NRG3: variants seen among roughly 807,000 people sequenced by gnomAD.
The protein encoded by NRG3 is neuregulin 3, also known as pro-neuregulin-3, membrane-bound isoform.
Under a neutral mutation model 66.9 loss-of-function variants are expected in NRG3, and 31 were observed. That is an observed-to-expected ratio of 0.46 (90% confidence interval 0.35 to 0.63). The LOEUF (loss-of-function observed/expected upper bound fraction) is 0.63. NRG3 is among the 20% of genes least tolerant of loss of function. NRG3 has a pLI of 0.00. For synonymous variants in NRG3, 393 were observed against 359.4 expected (o/e 1.09, Z -1.06); for missense variants, 910 against 878.9 (o/e 1.04, Z -0.45).
chr10:82,617,271 CAA>C (rs1053409936), intron 2 of NRG3, among the ~76,000 whole-genome samples: 2 of 149,208 alleles, frequency 1.3e-5, no homozygotes, highest in Non-Finnish European at 3.0e-5. Flanking sequence ...TACACACACA[CAA>C]ACACAAACAC....
At chr10:81,890,980 CA>C (rs1309216188) in intron 1 of NRG3, among the ~76,000 whole-genome samples, 1 of 152,188 alleles carries the variant, frequency 6.6e-6, no homozygotes, top group East Asian at 1.9e-4. Flanking sequence ...TCCTTTCCTC[CA>C]GATATCAGCT....
At chr10:81,887,374 G>C (rs1219313713) in intron 1 of NRG3, among the ~76,000 whole-genome samples, 1 of 152,076 alleles carries the variant, frequency 6.6e-6, no homozygotes, top group African/African-American at 2.4e-5. Context: ...AGTCTTAGTA[G>C]TATTGCTATA....
intron 2 of NRG3, among the ~76,000 whole-genome samples, chr10:82,481,266 C>T (rs1409559134): frequency 6.6e-6 from 1 of 152,212 alleles, no homozygotes; most frequent in Non-Finnish European, 1.5e-5. Context: ...TCTAAAGCCT[C>T]TAATGGCCTT....
chr10:82,545,783 CTTTTTT>C (rs1002975772), intron 2 of NRG3, among the ~76,000 whole-genome samples: 3 of 91,434 alleles, frequency 3.3e-5, no homozygotes, highest in African/African-American at 1.6e-4. Flanking sequence ...AATATCAACT[CTTTTTT>C]TTTTTTTTTT....
chr10:82,643,871 C>G (rs1188102518), intron 2 of NRG3, among the ~76,000 whole-genome samples: 4 of 115,650 alleles, frequency 3.5e-5, no homozygotes, highest in Non-Finnish European at 6.9e-5. Flanking sequence ...CTTTCTCTGT[C>G]TCTGACACAC....
rs569633485 is a variant in NRG3, at chr10:82,585,318, A to G, written c.954-153259A>G. Among the ~76,000 whole-genome samples, 8 of 152,332 alleles carry G rather than the reference A, an allele frequency of 5.3e-5. No individual in the cohort carries two copies. In the South Asian group the frequency reaches 1.7e-3, roughly 32 times the overall value. On this transcript the variant is annotated intron_variant, in intron 2 of 8. Coordinates refer to ENST00000372141, the MANE Select transcript of NRG3 (RefSeq NM_001010848.4). Reference sequence around the variant, plus strand: ...ATTGACAGATGAATAAACTGAGGTCATACAATTTTTAGTGGACTAATGAAA... The same window carrying G: ...ATTGACAGATGAATAAACTGAGGTCGTACAATTTTTAGTGGACTAATGAAA...
chr10:82,050,992 A>G (rs899676446), intron 1 of NRG3, among the ~76,000 whole-genome samples: 1 of 152,062 alleles, frequency 6.6e-6, no homozygotes, highest in Non-Finnish European at 1.5e-5. Context: ...TTTTCTGGAA[A>G]TAGTGGGGAG....
intron 1 of NRG3, among the ~76,000 whole-genome samples, chr10:82,021,786 ATGTGTG>A (rs71950373): frequency 0.074 from 4,503 of 60,768 alleles, 80 homozygotes; most frequent in Middle Eastern, 0.16. Context: ...GGCATGTAGT[ATGTGTG>A]TGTGTGTGTG....
chr10:82,755,721 A>G (rs1158547628), intron 3 of NRG3, among the ~76,000 whole-genome samples: 1 of 152,160 alleles, frequency 6.6e-6, no homozygotes, highest in Non-Finnish European at 1.5e-5. Flanking sequence ...TGATTAATCC[A>G]CATACAAACA....
At chr10:82,097,554 A>G (rs2066435710) in intron 1 of NRG3, among the ~76,000 whole-genome samples, 1 of 151,338 alleles carries the variant, frequency 6.6e-6, no homozygotes. Flanking sequence ...GCACACCCAT[A>G]TATATAAAGC....
chr10:82,289,090 T>G (rs1243265600), intron 1 of NRG3, among the ~76,000 whole-genome samples: 1 of 152,360 alleles, frequency 6.6e-6, no homozygotes, highest in East Asian at 1.9e-4. Context: ...TGCTGCTCCC[T>G]GTACTTCTTG....
intron 1 of NRG3, among the ~76,000 whole-genome samples, chr10:82,178,380 G>A (rs1036290512): frequency 6.6e-6 from 1 of 152,008 alleles, no homozygotes; most frequent in Non-Finnish European, 1.5e-5. Flanking sequence ...GCAACTGCTC[G>A]GTTAGCCCTT....
chr10:82,044,864 A>T (rs1447782350), intron 1 of NRG3, among the ~76,000 whole-genome samples: 2 of 151,804 alleles, frequency 1.3e-5, no homozygotes, highest in African/African-American at 4.8e-5. Flanking sequence ...ATGATTTCCA[A>T]TTTCATCCAT....
At chr10:82,047,254 A>T (rs1343808133) in intron 1 of NRG3, among the ~76,000 whole-genome samples, 1 of 152,058 alleles carries the variant, frequency 6.6e-6, no homozygotes, top group African/African-American at 2.4e-5. Flanking sequence ...AGAGAACGCC[A>T]CAAAGATACT....
intron 2 of NRG3, among the ~76,000 whole-genome samples, chr10:82,419,892 A>G (rs1354525361): frequency 6.6e-6 from 1 of 152,172 alleles, no homozygotes; most frequent in Non-Finnish European, 1.5e-5. Context: ...GAAGCAGTTT[A>G]TATGGTAAGT....
chr10:82,107,240 C>A (rs2067123412), intron 1 of NRG3, among the ~76,000 whole-genome samples: 1 of 152,108 alleles, frequency 6.6e-6, no homozygotes, highest in Admixed American at 6.6e-5. Context: ...TGTCGGCATT[C>A]AAAATGTTTT....
chr10:82,642,334 A>T (rs1308131506), intron 2 of NRG3, among the ~76,000 whole-genome samples: 2 of 152,002 alleles, frequency 1.3e-5, no homozygotes, highest in African/African-American at 2.4e-5. Context: ...TTAGTATACC[A>T]CAATTTTCCA....
intron 1 of NRG3, among the ~76,000 whole-genome samples, chr10:82,184,398 G>A (rs537023038): frequency 3.7e-4 from 56 of 152,206 alleles, no homozygotes; most frequent in African/African-American, 1.3e-3. Context: ...CATGGAGGAA[G>A]GAGTCCATTT....
intron 2 of NRG3, among the ~76,000 whole-genome samples, chr10:82,622,147 T>C (rs1353231253): frequency 3.3e-5 from 5 of 152,172 alleles, no homozygotes; most frequent in Non-Finnish European, 7.3e-5. Flanking sequence ...TACTAAAATA[T>C]AATTTCACAT....
Sources: allele counts gnomAD v4.1 joint callset (sites outside exome capture counted in the v4.1 genomes callset), GRCh38; gene constraint gnomAD v4.1.1; transcripts MANE v1.5; gene names NCBI Gene and HGNC (gene_info 2026-07-23, HGNC 2026-07-21).